PTH2R: variants seen among roughly 807,000 people sequenced by gnomAD.
PTH2R encodes the protein parathyroid hormone 2 receptor, also known as PTH2 receptor.
In PTH2R, 59 loss-of-function variants were observed where a neutral mutation model predicts 60.3. The ratio of observed to expected loss-of-function variants is 0.98; its 90% CI spans 0.79 to 1.22. The LOEUF (loss-of-function observed/expected upper bound fraction) is 1.22. PTH2R is among the 50% of genes most tolerant of loss of function. The probability of loss-of-function intolerance (pLI) is 0.00; values close to 1 mark genes in which losing one functional copy is unlikely to be tolerated. For synonymous variants in PTH2R, 256 were observed against 243.8 expected, an observed-to-expected ratio of 1.05 and a Z score of -0.47; for missense variants, 749 against 682.6, an observed-to-expected ratio of 1.10 and a Z score of -1.08.
Position 208,443,355 on chromosome 2 carries a change from C to A in PTH2R, c.517C>A (p.His173Asn). 6.4e-7 allele frequency: 1 copy of A among 1,561,788 alleles called. No homozygotes were observed. Among genetic ancestry groups the A allele is most frequent in the Non-Finnish European group, 8.6e-7 (1 of 1,157,734 alleles). Residue 173 changes from histidine (H) to asparagine (N), a missense_variant, in exon 6 of 13, where the codon CAT (histidine) becomes AAT (asparagine). Transcript: ENST00000272847. ...GAATATTTCTCTCCGTAGACGATTG[C>A]ATTGCACTAGGAACTATATCCACAT... ...ILIIGYFRRL[H>N]CTRNYIHMHL...
At chr2:208,391,261 A>G (rs1701103378) in intron 1 of PTH2R, among the ~76,000 whole-genome samples, 1 of 152,240 alleles carries the variant, frequency 6.6e-6, no homozygotes, top group Non-Finnish European at 1.5e-5. Flanking sequence ...ATTGGTAAGG[A>G]AAGGCCATCC....
At chr2:208,467,433 G>T (rs540358544) in intron 9 of PTH2R, among the ~76,000 whole-genome samples, 2 of 152,122 alleles carry the variant, frequency 1.3e-5, no homozygotes, top group African/African-American at 4.8e-5. Flanking sequence ...CACGCAATCT[G>T]CTAAGAGATT....
chr2:208,474,511 C>T (rs1250388813), intron 9 of PTH2R, among the ~76,000 whole-genome samples: 3 of 152,194 alleles, frequency 2.0e-5, no homozygotes, highest in South Asian at 4.1e-4. Context: ...ACCTAAATCA[C>T]TTAATAGGTA....
At chr2:208,475,528 G>A (rs1053962183) in intron 9 of PTH2R, among the ~76,000 whole-genome samples, 2 of 151,928 alleles carry the variant, frequency 1.3e-5, no homozygotes, top group Admixed American at 6.6e-5. Flanking sequence ...TCCTTTTCTG[G>A]CAACTCCATA....
At chr2:208,387,498 C>T (rs1266487291) in intron 1 of PTH2R, among the ~76,000 whole-genome samples, 1 of 152,162 alleles carries the variant, frequency 6.6e-6, no homozygotes, top group South Asian at 2.1e-4. Flanking sequence ...AATGCCTAAT[C>T]ACTGAAGCTT....
intron 1 of PTH2R, among the ~76,000 whole-genome samples, chr2:208,416,877 C>T (rs572796450): frequency 6.6e-6 from 1 of 152,312 alleles, no homozygotes; most frequent in African/African-American, 2.4e-5. Flanking sequence ...AGTTTTGGAA[C>T]TCAGACTGGC....
chr2:208,493,343 G>C lies in PTH2R; in HGVS notation c.1337G>C (p.Arg446Pro). ...DWKRTPPCGS[R>P]RCGSVLTTVT... ...AAAAGGACACCGCCATGTGGCAGCC[G>C]CAGATGCGGCTCAGTGCTCACCACC... Residue 446 changes from arginine to proline, a missense_variant, in exon 13 of 13, where the codon CGC (arginine) becomes CCC (proline). Arg to Pro is a moderately radical substitution (Grantham distance 103, BLOSUM62 -2). Transcript: ENST00000272847. The C allele has an allele frequency of 6.4e-7, 1 of 1,573,084 alleles. No individual in the cohort carries two copies. Among genetic ancestry groups the C allele is most frequent in the Non-Finnish European group, 8.6e-7 (1 of 1,157,046 alleles).
chr2:208,415,803 A>G (rs903235847), intron 1 of PTH2R, among the ~76,000 whole-genome samples: 3 of 152,234 alleles, frequency 2.0e-5, no homozygotes, highest in African/African-American at 7.2e-5. Context: ...TGAGGCTGCA[A>G]TAAAAGTAAA....
chr2:208,416,060 C>G lies in PTH2R; in HGVS notation c.75+8942C>G, dbSNP rs1701634408. ...TTCCTTGGCCCTTGATGAGTAATATCAGTAACATTTGTTACTGATATTAAT... is the reference window on the plus strand; with the variant it reads ...TTCCTTGGCCCTTGATGAGTAATATGAGTAACATTTGTTACTGATATTAAT... On this transcript the variant is annotated intron_variant, in intron 1 of 12. Transcript: ENST00000272847. Among the ~76,000 whole-genome samples the G allele has an allele frequency of 2.0e-5, 3 of 152,046 alleles. No individual in the cohort carries two copies. The South Asian group carries it at 6.2e-4, about 32-fold the overall frequency.
At position 208,437,786 on chromosome 2, in the gene PTH2R, A is replaced by G. The variant is rs780373646; in HGVS notation, c.316A>G (p.Asn106Asp). 1.1e-5 allele frequency: 17 copies of G among 1,613,710 alleles called. No homozygotes were observed. In the Admixed American group the frequency reaches 1.5e-4, roughly 14 times the overall value. The change falls in exon 4 of 13, where the codon AAT becomes GAT. Residue 106 changes from asparagine to aspartate, a missense_variant. Transcript: ENST00000272847. ...KGVAFRHCNP[N>D]GTWDFMHSLN... ...AGTTGCTTTCCGACACTGTAACCCCAATGGAACATGGGATTTTATGCACAG... is the reference window on the plus strand; with the variant it reads ...AGTTGCTTTCCGACACTGTAACCCCGATGGAACATGGGATTTTATGCACAG...
intron 1 of PTH2R, among the ~76,000 whole-genome samples, chr2:208,388,135 C>CT (rs1030152675): frequency 2.7e-5 from 4 of 148,368 alleles, no homozygotes; most frequent in South Asian, 4.4e-4. Context: ...TGGTGAAACC[C>CT]CCCCCCCCGT....
intron 11 of PTH2R, among the ~76,000 whole-genome samples, 177 bp downstream of exon 11, chr2:208,489,327 C>T (rs1471140232): frequency 6.6e-6 from 1 of 152,072 alleles, no homozygotes; most frequent in Non-Finnish European, 1.5e-5. Flanking sequence ...CTATAGAGGT[C>T]AGGTTAATCC....
intron 2 of PTH2R, among the ~76,000 whole-genome samples, chr2:208,433,412 A>T (rs2105860849): frequency 6.6e-6 from 1 of 152,322 alleles, no homozygotes; most frequent in African/African-American, 2.4e-5. Context: ...TCACTAGCTA[A>T]TTTAAGGAAT....
At chr2:208,400,931 T>C (rs897451320) in intron 1 of PTH2R, among the ~76,000 whole-genome samples, 1 of 152,142 alleles carries the variant, frequency 6.6e-6, no homozygotes, top group African/African-American at 2.4e-5. Flanking sequence ...TAAAAGCAAA[T>C]TTCATAGTAG....
At chr2:208,443,296 C>A in intron 5 of PTH2R, 52 bp from the exon 6 acceptor site, 1 of 1,449,736 alleles carries the variant, frequency 6.9e-7, no homozygotes, top group South Asian at 1.5e-5. Flanking sequence ...CTGGGTGTTT[C>A]CCCCATTTTT....
At chr2:208,404,835 C>G (rs997811430), upstream of PTH2R, among the ~76,000 whole-genome samples, 9 of 152,212 alleles carry the variant, frequency 5.9e-5, no homozygotes, top group African/African-American at 2.2e-4. Flanking sequence ...AGAAAGCCCT[C>G]AGGACTGAGC....
At chr2:208,442,238 T>C (rs1702199121) in intron 4 of PTH2R, 126 bp from the exon 5 acceptor site, 2 of 717,258 alleles carry the variant, frequency 2.8e-6, no homozygotes, top group Non-Finnish European at 4.8e-6. Flanking sequence ...TTTTATTGCA[T>C]GCAAATTACA....
chr2:208,399,037 A>C (rs888682453), intron 1 of PTH2R, among the ~76,000 whole-genome samples: 4 of 152,246 alleles, frequency 2.6e-5, no homozygotes, highest in Non-Finnish European at 5.9e-5. Context: ...TCGTTCAAAC[A>C]AAGGGAATAA....
intron 1 of PTH2R, among the ~76,000 whole-genome samples, chr2:208,416,846 A>G (rs1323342576): frequency 6.6e-6 from 1 of 152,178 alleles, no homozygotes; most frequent in Non-Finnish European, 1.5e-5. Flanking sequence ...CTGCCCTTGA[A>G]CACTGGACTC....
Sources: allele counts gnomAD v4.1 joint callset (sites outside exome capture counted in the v4.1 genomes callset), GRCh38; gene constraint gnomAD v4.1.1; transcripts MANE v1.5; gene names NCBI Gene and HGNC (gene_info 2026-07-23, HGNC 2026-07-21).